FRMD4A: variants seen among roughly 807,000 people sequenced by gnomAD.
The protein encoded by FRMD4A is FERM domain containing 4A.
FRMD4A carries 29 observed loss-of-function variants against 129.1 expected under a neutral mutation model. The observed-to-expected ratio is 0.22, with a 90% CI of 0.17 to 0.31. The LOEUF (loss-of-function observed/expected upper bound fraction) is 0.31, where lower values mean the gene tolerates loss of function less well. Ranked by LOEUF, FRMD4A falls within the 10% of genes least tolerant of loss-of-function variation. The pLI, the probability that FRMD4A is intolerant of heterozygous loss-of-function variation, is 1.00. For synonymous variants in FRMD4A, 634 were observed against 571.6 expected, an observed-to-expected ratio of 1.11 and a Z score of -1.56; for missense variants, 1,272 against 1,375.8, an observed-to-expected ratio of 0.92 and a Z score of 1.19.
intron 2 of FRMD4A, among the ~76,000 whole-genome samples, chr10:14,184,692 C>A: frequency 6.6e-6 from 1 of 152,148 alleles, no homozygotes; most frequent in Non-Finnish European, 1.5e-5. Flanking sequence ...TTCTACCTCT[C>A]AGTGAAATCA....
At chr10:13,864,353 A>AAAAG (rs2094336596) in intron 2 of FRMD4A, among the ~76,000 whole-genome samples, 1 of 150,416 alleles carries the variant, frequency 6.6e-6, no homozygotes, top group Non-Finnish European at 1.5e-5. Context: ...AAAAAAAAAA[A>AAAAG]AGAAAAAAAG....
intron 2 of FRMD4A, among the ~76,000 whole-genome samples, chr10:13,977,694 C>A (rs535522907): frequency 6.6e-6 from 1 of 152,186 alleles, no homozygotes; most frequent in Middle Eastern, 3.2e-3. Context: ...CTACTGGCAG[C>A]CTTTAGTCTC....
chr10:13,656,131 C>T (rs544889902), intron 22 of FRMD4A, among the ~76,000 whole-genome samples: 5 of 152,316 alleles, frequency 3.3e-5, no homozygotes, highest in African/African-American at 1.2e-4. Flanking sequence ...GGAATTCTGT[C>T]AAACGCACAG....
intron 2 of FRMD4A, among the ~76,000 whole-genome samples, chr10:13,935,827 C>T (rs1384814536): frequency 1.3e-5 from 2 of 152,164 alleles, no homozygotes; most frequent in African/African-American, 4.8e-5. Flanking sequence ...TACATGAATT[C>T]CCTCAAAACA....
At chr10:14,131,439 T>C (rs983093842) in intron 2 of FRMD4A, among the ~76,000 whole-genome samples, 1 of 148,878 alleles carries the variant, frequency 6.7e-6, no homozygotes, top group Admixed American at 6.7e-5. Flanking sequence ...TGAGTCACTT[T>C]GGTTCAATAC....
chr10:14,180,333 C>G (rs1228344370), intron 2 of FRMD4A, among the ~76,000 whole-genome samples: 3 of 152,208 alleles, frequency 2.0e-5, no homozygotes, highest in Non-Finnish European at 4.4e-5. Context: ...ATTATTCATA[C>G]ATTTTGTTAT....
At chr10:13,653,466 G>C (rs1212847760) in intron 23 of FRMD4A, 1 of 152,298 alleles carries the variant, frequency 6.6e-6, no homozygotes, top group Non-Finnish European at 1.5e-5. Context: ...CACCACTGCA[G>C]TCTGGGCAAC....
At chr10:13,733,441 GT>G (rs11427665) in intron 12 of FRMD4A, among the ~76,000 whole-genome samples, 11 of 150,152 alleles carry the variant, frequency 7.3e-5, no homozygotes, top group East Asian at 2.0e-4. Context: ...CAAAGGCCTG[GT>G]TTTTTTTTTG....
intron 2 of FRMD4A, among the ~76,000 whole-genome samples, chr10:13,957,977 G>T (rs1364315817): frequency 1.3e-5 from 2 of 151,830 alleles, no homozygotes; most frequent in Non-Finnish European, 2.9e-5. Flanking sequence ...TGTAAACCCT[G>T]CCTGTTCTTC....
chr10:14,029,775 G>A (rs1000126292), intron 2 of FRMD4A, among the ~76,000 whole-genome samples: 2 of 147,544 alleles, frequency 1.4e-5, no homozygotes, highest in African/African-American at 5.0e-5. Flanking sequence ...CTTTTATTTT[G>A]ATCACCCAAT....
intron 2 of FRMD4A, among the ~76,000 whole-genome samples, chr10:13,892,170 G>A (rs1159166395): frequency 6.6e-6 from 1 of 152,006 alleles, no homozygotes; most frequent in Non-Finnish European, 1.5e-5. Context: ...TGCCCAGCAC[G>A]GAGGTCCCCA....
At chr10:14,022,818 G>C (rs1336761606) in intron 2 of FRMD4A, among the ~76,000 whole-genome samples, 1 of 152,218 alleles carries the variant, frequency 6.6e-6, no homozygotes, top group Non-Finnish European at 1.5e-5. Flanking sequence ...GCTGGGAAAG[G>C]AGACGAAGGT....
intron 2 of FRMD4A, among the ~76,000 whole-genome samples, chr10:14,222,414 G>A (rs957218237): frequency 1.6e-4 from 24 of 152,302 alleles, no homozygotes; most frequent in Non-Finnish European, 2.9e-5. Flanking sequence ...GAGAAGGTAA[G>A]TGATGTCTAT....
At chr10:13,970,401 C>A (rs764365611) in intron 2 of FRMD4A, among the ~76,000 whole-genome samples, 4 of 152,176 alleles carry the variant, frequency 2.6e-5, no homozygotes, top group Non-Finnish European at 5.9e-5. Context: ...GGGCGCCTCC[C>A]TCCCCTGAAA....
chr10:13,812,133 G>T (rs765422612), intron 3 of FRMD4A, among the ~76,000 whole-genome samples: 2 of 152,116 alleles, frequency 1.3e-5, no homozygotes, highest in African/African-American at 4.8e-5. Flanking sequence ...TGCCTGCCTC[G>T]GCCTCCCAGT....
At chr10:13,776,405 C>A (rs116704358) in intron 6 of FRMD4A, among the ~76,000 whole-genome samples, 1,620 of 152,312 alleles carry the variant, frequency 0.011, 41 homozygotes, top group African/African-American at 0.037. Flanking sequence ...ACCACTGTGC[C>A]TGGCCGTCTT....
intron 2 of FRMD4A, among the ~76,000 whole-genome samples, chr10:14,187,053 G>A (rs1842167665): frequency 6.6e-6 from 1 of 151,712 alleles, no homozygotes; most frequent in African/African-American, 2.4e-5. Context: ...CAGGAGTTTG[G>A]GGAAGCAGTG....
chr10:14,244,164 T>C (rs1300093757), intron 2 of FRMD4A, among the ~76,000 whole-genome samples: 1 of 152,164 alleles, frequency 6.6e-6, no homozygotes, highest in African/African-American at 2.4e-5. Flanking sequence ...CAGAACACAA[T>C]CACTTTAAGA....
At chr10:14,213,000 G>T (rs1347165693) in intron 2 of FRMD4A, among the ~76,000 whole-genome samples, 2 of 152,208 alleles carry the variant, frequency 1.3e-5, no homozygotes, top group Non-Finnish European at 2.9e-5. Flanking sequence ...ACTTTGGGAG[G>T]CTGAGGCAGG....
Sources: gnomAD v4.1 joint callset for allele counts (sites outside exome capture counted in the v4.1 genomes callset) on GRCh38, gnomAD v4.1.1 for gene constraint, MANE v1.5 for transcripts, NCBI Gene and HGNC (gene_info 2026-07-23, HGNC 2026-07-21) for gene names.